Variants in LRBA observed in about 807,000 individuals in gnomAD.
The protein encoded by LRBA is LPS responsive beige-like anchor protein, also known as lipopolysaccharide-responsive and beige-like anchor protein.
LRBA carries 176 observed loss-of-function variants against 330.0 expected under a neutral mutation model. The ratio of observed to expected loss-of-function variants is 0.53; its 90% CI spans 0.47 to 0.60. LRBA has a LOEUF of 0.60. LRBA is among the 20% of genes least tolerant of loss of function. The probability of loss-of-function intolerance (pLI) is 0.00; values close to 1 mark genes in which losing one functional copy is unlikely to be tolerated. For missense variants in LRBA, 3,259 were observed against 3,444.8 expected (o/e 0.95, Z 1.35); for synonymous variants, 1,230 against 1,193.0 (o/e 1.03, Z -0.64).
chr4:150,711,532 C>T (rs1786221144), intron 36 of LRBA, among the ~76,000 whole-genome samples: 1 of 152,090 alleles, frequency 6.6e-6, no homozygotes, highest in African/African-American at 2.4e-5. Flanking sequence ...GCCACCACAC[C>T]CAGCTGGAAG....
chr4:150,917,781 T>G (rs1488659688), intron 5 of LRBA, among the ~76,000 whole-genome samples: 1 of 151,812 alleles, frequency 6.6e-6, no homozygotes, highest in Non-Finnish European at 1.5e-5. Context: ...ATACAAAAAT[T>G]AGCCATGCGT....
At chr4:150,318,042 G>A (rs1731954925) in intron 50 of LRBA, among the ~76,000 whole-genome samples, 1 of 152,172 alleles carries the variant, frequency 6.6e-6, no homozygotes, top group African/African-American at 2.4e-5. Flanking sequence ...TGTTTTGCCA[G>A]TGAGGACACT....
intron 2 of LRBA, among the ~76,000 whole-genome samples, chr4:150,935,723 T>C (rs774634893): frequency 2.6e-5 from 4 of 151,898 alleles, no homozygotes; most frequent in African/African-American, 7.2e-5. Context: ...ATTAAAACTG[T>C]ATGGTACTAG....
intron 16 of LRBA, among the ~76,000 whole-genome samples, chr4:150,894,555 G>T (rs1410255134): frequency 2.0e-5 from 3 of 152,160 alleles, no homozygotes; most frequent in Non-Finnish European, 4.4e-5. Context: ...ACCCAAAAAG[G>T]AAAAGGCAAA....
rs1318154820 is a variant in LRBA, at chr4:150,921,202, G to A, written c.641C>T (p.Ala214Val). The A allele has an allele frequency of 7.5e-6, 12 of 1,599,760 alleles. No homozygotes were observed. Among genetic ancestry groups the A allele is most frequent in the Non-Finnish European group, 1.0e-5 (12 of 1,167,092 alleles). The part of the protein sequence containing the change: ...DAFFNFPGKS[A>V]AAIALPPIAK... ...TCCTCATTAATATTTACTTACTGCA[G>A]CACTCTTTCCTGGAAAGTTAAAAAA... The change falls in exon 5 of 57, where the codon GCT becomes GTT. Residue 214 changes from alanine to valine, a missense_variant. By Grantham distance (64) the Ala-to-Val change is moderately conservative. Coordinates refer to ENST00000651943, the MANE Select transcript of LRBA (RefSeq NM_001364905.1).
intron 48 of LRBA, 143 bp downstream of exon 48, chr4:150,349,849 G>T: frequency 1.5e-6 from 1 of 648,806 alleles, no homozygotes; most frequent in South Asian, 2.1e-5. Context: ...CTAGGTCACT[G>T]ATAAATTATT....
chr4:150,691,510 C>G (rs1042596043), intron 36 of LRBA, among the ~76,000 whole-genome samples: 1 of 152,114 alleles, frequency 6.6e-6, no homozygotes, highest in Non-Finnish European at 1.5e-5. Context: ...ACTATACACC[C>G]ACTAGACCGG....
intron 2 of LRBA, among the ~76,000 whole-genome samples, chr4:150,930,562 T>A (rs1463426096): frequency 6.6e-6 from 1 of 152,074 alleles, no homozygotes; most frequent in Non-Finnish European, 1.5e-5. Flanking sequence ...CAAGTGGAGT[T>A]TAGTCCAGGA....
chr4:150,585,102 T>C (rs912092768), intron 40 of LRBA, among the ~76,000 whole-genome samples: 2 of 152,234 alleles, frequency 1.3e-5, no homozygotes, highest in African/African-American at 2.4e-5. Context: ...GAAATATTTA[T>C]GGATTTTTCT....
chr4:150,771,416 C>T (rs1199175814), intron 34 of LRBA, among the ~76,000 whole-genome samples: 2 of 152,156 alleles, frequency 1.3e-5, no homozygotes, highest in African/African-American at 2.4e-5. Flanking sequence ...CCAGTGAATT[C>T]CATGAGCATT....
rs184380803 is a variant in LRBA, at chr4:150,348,136, C to T, written c.7362+1856G>A. Among the ~76,000 whole-genome samples the T allele has an allele frequency of 2.1e-3, 313 of 152,280 alleles. 1 individual carries two copies. Among genetic ancestry groups the T allele is most frequent in the Non-Finnish European group, 1.2e-3 (79 of 68,010 alleles). The stretch of plus-strand genomic sequence containing the variant: ...GACAGTGTTCTTCTAGATTAACGCA[C>T]AGTAAACTTCCTTAAACAATCATTG... On this transcript the variant is annotated intron_variant, in intron 48 of 56. Coordinates refer to ENST00000651943, the MANE Select transcript of LRBA (RefSeq NM_001364905.1).
chr4:150,973,254 G>A (rs957421317), intron 2 of LRBA, among the ~76,000 whole-genome samples: 4 of 152,164 alleles, frequency 2.6e-5, no homozygotes, highest in South Asian at 4.2e-4. Context: ...TGCAACCTCC[G>A]CCTCCTGGGT....
At chr4:151,015,670 C>T (rs1391800604), upstream of LRBA, 3 of 152,214 alleles carry the variant, frequency 2.0e-5, no homozygotes, top group Non-Finnish European at 4.4e-5. Context: ...CCACGGGTCG[C>T]GCGGCTGTCG....
chr4:150,893,158 AT>A lies in LRBA; in HGVS notation c.2068-10del. On this transcript the variant is annotated splice_polypyrimidine_tract_variant and intron_variant, in intron 16 of 56. Transcript: ENST00000651943. ...TCCATTAGATTGTCATCCTATAATC[AT>A]TTTAGAAATTTTTTTTAAAAAATGA... The A allele has an allele frequency of 1.3e-6, 2 of 1,537,200 alleles. No homozygotes were observed. The highest frequency in any genetic ancestry group is 1.8e-6 in the Non-Finnish European group (2 of 1,128,536).
At chr4:150,808,941 C>T (rs1019624623) in intron 31 of LRBA, among the ~76,000 whole-genome samples, 1 of 152,082 alleles carries the variant, frequency 6.6e-6, no homozygotes, top group Admixed American at 6.5e-5. Flanking sequence ...GCCCCAAATA[C>T]AAAAACACTA....
intron 2 of LRBA, among the ~76,000 whole-genome samples, chr4:150,994,148 C>T (rs1742394399): frequency 6.6e-6 from 1 of 151,110 alleles, no homozygotes; most frequent in South Asian, 2.1e-4. Context: ...CATAGCTAAA[C>T]AATACTAGGG....
intron 2 of LRBA, among the ~76,000 whole-genome samples, chr4:150,975,240 G>T (rs968588253): frequency 2.0e-5 from 3 of 152,138 alleles, no homozygotes; most frequent in African/African-American, 7.2e-5. Context: ...AAAGATAAAG[G>T]TAAAGTAGCC....
At position 150,828,270 on chromosome 4, in the gene LRBA, G is replaced by A. The variant is rs1326738729; in HGVS notation, c.5081C>T (p.Thr1694Ile). Residue 1694 changes from threonine (T) to isoleucine (I), a missense_variant, in exon 30 of 57, where the codon ACA becomes ATA. Coordinates refer to ENST00000651943, the MANE Select transcript of LRBA (RefSeq NM_001364905.1). ...TGGTGGCAGAAGGGCAGGATCCACTGTGACTCCATCTGCTGGTATGTTAAC... is the reference window on the plus strand; with the variant it reads ...TGGTGGCAGAAGGGCAGGATCCACTATGACTCCATCTGCTGGTATGTTAAC... The part of the protein sequence containing the change: ...SLVNIPADGV[T>I]VDPALLPPAC... 1.2e-6 allele frequency: 2 copies of A among 1,614,048 alleles called. No homozygotes were observed. Among genetic ancestry groups the A allele is most frequent in the Non-Finnish European group, 8.5e-7 (1 of 1,180,004 alleles).
chr4:150,634,684 GT>G (rs1463244751), intron 37 of LRBA, among the ~76,000 whole-genome samples: 1 of 152,094 alleles, frequency 6.6e-6, no homozygotes, highest in Non-Finnish European at 1.5e-5. Context: ...AGTCTCACCT[GT>G]TTTTCTCCCT....
Sources: gnomAD v4.1 joint callset for allele counts (sites outside exome capture counted in the v4.1 genomes callset) on GRCh38, gnomAD v4.1.1 for gene constraint, MANE v1.5 for transcripts, NCBI Gene and HGNC (gene_info 2026-07-23, HGNC 2026-07-21) for gene names.